LRMDA: variants seen among roughly 807,000 people sequenced by gnomAD.
The protein encoded by LRMDA is leucine-rich melanocyte differentiation-associated protein.
A neutral mutation model predicts 29.8 loss-of-function variants in LRMDA; 18 were observed. The observed-to-expected ratio is 0.60, with a 90% CI of 0.42 to 0.90. The LOEUF (loss-of-function observed/expected upper bound fraction) is 0.90, where lower values mean the gene tolerates loss of function less well. LRMDA is among the 40% of genes least tolerant of loss of function. LRMDA has a pLI of 0.00. For missense variants in LRMDA, 273 were observed against 273.9 expected (o/e 1.00, Z 0.02); for synonymous variants, 125 against 109.4 (o/e 1.14, Z -0.89).
intron 6 of LRMDA, among the ~76,000 whole-genome samples, chr10:76,468,402 T>C (rs1842585081): frequency 6.6e-6 from 1 of 152,222 alleles, no homozygotes; most frequent in East Asian, 1.9e-4. Flanking sequence ...TGAGGCTTGC[T>C]TTTCATTAAT....
intron 2 of LRMDA, among the ~76,000 whole-genome samples, chr10:75,913,653 C>T (rs989619895): frequency 7.9e-5 from 12 of 152,152 alleles, no homozygotes; most frequent in Admixed American, 5.2e-4. Context: ...CACCTCTTTT[C>T]GTAGAGCTGC....
At chr10:75,768,204 G>A (rs1047763960) in intron 2 of LRMDA, among the ~76,000 whole-genome samples, 2 of 152,180 alleles carry the variant, frequency 1.3e-5, no homozygotes, top group Non-Finnish European at 2.9e-5. Context: ...CACTGGCATC[G>A]TGGCACTCCC....
chr10:75,721,102 A>C (rs983316662), intron 2 of LRMDA, among the ~76,000 whole-genome samples: 1 of 152,234 alleles, frequency 6.6e-6, no homozygotes, highest in African/African-American at 2.4e-5. Context: ...GGTCTTTTGC[A>C]TAACCATTTT....
chr10:76,083,370 CCTT>C (rs1462908002), intron 5 of LRMDA, among the ~76,000 whole-genome samples: 1 of 152,174 alleles, frequency 6.6e-6, no homozygotes, highest in African/African-American at 2.4e-5. Context: ...TTTACTGCCT[CCTT>C]CTGCCTTGTT....
At chr10:76,100,643 G>A (rs1849381370) in intron 5 of LRMDA, among the ~76,000 whole-genome samples, 1 of 152,262 alleles carries the variant, frequency 6.6e-6, no homozygotes, top group East Asian at 1.9e-4. Flanking sequence ...TCTTCTGCAG[G>A]GGTTGAAGTC....
chr10:75,996,786 G>A (rs1468669610), intron 2 of LRMDA, among the ~76,000 whole-genome samples: 10 of 149,870 alleles, frequency 6.7e-5, no homozygotes, highest in African/African-American at 2.2e-4. Flanking sequence ...AGGCTGGAGT[G>A]CAGTGGCGTC....
rs1174704620 is a variant in LRMDA at position 76,498,143 on chromosome 10, G to C, written c.602-59066G>C. On this transcript the variant is annotated intron_variant, in intron 6 of 6. Coordinates refer to ENST00000611255, the MANE Select transcript of LRMDA (RefSeq NM_001305581.2). ...AATGGTCTTGCAAATTGGAACAGTT[G>C]TAAGTTTTGATTGTGACACTGCAGG... Among the ~76,000 whole-genome samples, 2 of 75,614 alleles carry C rather than the reference G, an allele frequency of 2.6e-5. 1 individual carries two copies. Among genetic ancestry groups the C allele is most frequent in the Admixed American group, 2.5e-4 (2 of 8,102 alleles). 49.6% of individuals were successfully genotyped at this position (75,614 alleles called of 152,430 possible). A position where few individuals can be genotyped will look rare whatever the true frequency, so the allele number is the denominator to read the frequency against.
chr10:76,254,305 C>CTATACTATACTATACTATACTATACT (rs1564701441), intron 5 of LRMDA, among the ~76,000 whole-genome samples: 13 of 66,912 alleles, frequency 1.9e-4, no homozygotes, highest in African/African-American at 6.3e-4. Flanking sequence ...TATACTATAC[C>CTATACTATACTATACTATACTATACT]ATACCATACC....
At chr10:76,454,088 T>C (rs1842432809) in intron 6 of LRMDA, among the ~76,000 whole-genome samples, 1 of 152,164 alleles carries the variant, frequency 6.6e-6, no homozygotes, top group African/African-American at 2.4e-5. Flanking sequence ...ACCGTTTCAT[T>C]GATAAGTTAT....
chr10:76,128,823 G>A (rs973119388), intron 5 of LRMDA, among the ~76,000 whole-genome samples: 4 of 152,260 alleles, frequency 2.6e-5, no homozygotes, highest in South Asian at 2.1e-4. Flanking sequence ...CATTAAAGAC[G>A]TGAAAGCGTT....
chr10:76,166,381 A>G (rs1245888664), intron 5 of LRMDA, among the ~76,000 whole-genome samples: 1 of 152,146 alleles, frequency 6.6e-6, no homozygotes, highest in Non-Finnish European at 1.5e-5. Context: ...AACTTCTGTC[A>G]TGGATGTTTG....
chr10:75,901,603 G>A (rs779089217), intron 2 of LRMDA, among the ~76,000 whole-genome samples: 2 of 152,100 alleles, frequency 1.3e-5, no homozygotes, highest in South Asian at 2.1e-4. Context: ...AAAAAGAACC[G>A]AGACAATCAA....
chr10:76,530,540 A>G (rs374271799), intron 6 of LRMDA, among the ~76,000 whole-genome samples: 7 of 152,312 alleles, frequency 4.6e-5, no homozygotes, highest in African/African-American at 1.4e-4. Flanking sequence ...TACTTATCAC[A>G]GTGCCTACAC....
intron 6 of LRMDA, among the ~76,000 whole-genome samples, chr10:76,423,746 T>G (rs140493719): frequency 5.8e-4 from 89 of 152,366 alleles, no homozygotes; most frequent in African/African-American, 2.0e-3. Context: ...CTAACTCAGC[T>G]AGAATGAGTT....
chr10:75,643,361 T>G (rs953358603), intron 2 of LRMDA, among the ~76,000 whole-genome samples: 1 of 152,200 alleles, frequency 6.6e-6, no homozygotes, highest in African/African-American at 2.4e-5. Flanking sequence ...TTTGTAAAGT[T>G]GCGATACTCC....
At chr10:76,237,745 A>G (rs968665248) in intron 5 of LRMDA, among the ~76,000 whole-genome samples, 3 of 149,440 alleles carry the variant, frequency 2.0e-5, no homozygotes, top group African/African-American at 7.4e-5. Context: ...TGTGATTGCA[A>G]CCTAAATTTG....
intron 5 of LRMDA, among the ~76,000 whole-genome samples, chr10:76,107,361 C>G (rs1849504128): frequency 6.6e-6 from 1 of 152,162 alleles, no homozygotes; most frequent in East Asian, 1.9e-4. Flanking sequence ...GGCTGCTGAC[C>G]TAGGGACCAC....
At chr10:75,936,698 G>A (rs957848357) in intron 2 of LRMDA, among the ~76,000 whole-genome samples, 2 of 152,112 alleles carry the variant, frequency 1.3e-5, no homozygotes, top group Admixed American at 6.5e-5. Context: ...AGACAGCGAC[G>A]TCATATTGTG....
At chr10:76,385,595 A>G (rs1368650316) in intron 6 of LRMDA, among the ~76,000 whole-genome samples, 1 of 152,172 alleles carries the variant, frequency 6.6e-6, no homozygotes, top group African/African-American at 2.4e-5. Flanking sequence ...CTTTACTAAC[A>G]TGCCATCTTG....
Sources: gnomAD v4.1 joint callset for allele counts (sites outside exome capture counted in the v4.1 genomes callset) on GRCh38, gnomAD v4.1.1 for gene constraint, MANE v1.5 for transcripts, NCBI Gene and HGNC (gene_info 2026-07-23, HGNC 2026-07-21) for gene names.